The following SIRPB1 variants were observed in gnomAD, a reference collection of about 807,000 sequenced individuals.
SIRPB1 encodes signal-regulatory protein beta-1.
Under a neutral mutation model 34.1 loss-of-function variants are expected in SIRPB1, and 28 were observed. The observed-to-expected ratio is 0.82, with a 90% CI of 0.61 to 1.12. SIRPB1 has a LOEUF of 1.12. Among genes scored for constraint, SIRPB1 ranks in the 50% most tolerant of loss-of-function variants. SIRPB1 has a pLI of 0.00. For synonymous variants in SIRPB1, 211 were observed against 203.8 expected, an observed-to-expected ratio of 1.04 and a Z score of -0.30; for missense variants, 499 against 507.0, an observed-to-expected ratio of 0.98 and a Z score of 0.15.
chr20:1,617,246 C>A (rs1221942631), intron 1 of SIRPB1, among the ~76,000 whole-genome samples: 1 of 152,126 alleles, frequency 6.6e-6, no homozygotes, highest in Admixed American at 6.5e-5. Context: ...GCTCCCATGT[C>A]CATTGCAGCA....
intron 1 of SIRPB1, among the ~76,000 whole-genome samples, chr20:1,614,752 C>T (rs556726115): frequency 4.6e-5 from 7 of 152,132 alleles, no homozygotes; most frequent in South Asian, 2.1e-4. Flanking sequence ...ATAGTAATGG[C>T]AATGAGGATG....
chr20:1,576,760 C>T (rs1254764411), intron 2 of SIRPB1, among the ~76,000 whole-genome samples: 1 of 148,378 alleles, frequency 6.7e-6, no homozygotes, highest in African/African-American at 2.4e-5. Context: ...CAAAATTAGC[C>T]AGGCATGGTA....
chr20:1,564,761 T>A lies in SIRPB1; in HGVS notation c.*739A>T, dbSNP rs2091106139. The A allele has an allele frequency of 2.5e-6, 1 of 396,870 alleles. No homozygotes were observed. Among genetic ancestry groups the A allele is most frequent in the East Asian group, 3.6e-5 (1 of 28,064 alleles). The allele number at this position is 396,870 out of a possible 1,614,324, so 24.6% of individuals were successfully genotyped here. On this transcript the variant is annotated 3_prime_UTR_variant, in exon 6 of 6. Coordinates refer to ENST00000381605, the MANE Select transcript of SIRPB1 (RefSeq NM_006065.5). ...TTACACTAGAGAAATTGGCAAGCAC[T>A]GCAAAACAGCTTTTGGTTTTTCCCT...
Position 1,578,527 on chromosome 20 carries a change from T to C in SIRPB1, c.244A>G (p.Lys82Glu), listed in dbSNP as rs770087762. Reference protein sequence around the residue: ...GAGRELIYNQKEGHFPRVTTV... With the variant: ...GAGRELIYNQEEGHFPRVTTV... ...GTTACCCGTGGGAAGTGGCCTTCTTTCTGATTGTAGATTAATTCCCGGCCT... is the reference window on the plus strand; with the variant it reads ...GTTACCCGTGGGAAGTGGCCTTCTTCCTGATTGTAGATTAATTCCCGGCCT... Residue 82 changes from lysine to glutamate, a missense_variant, in exon 2 of 6, where the codon AAA (lysine) becomes GAA (glutamate). Coordinates refer to ENST00000381605, the MANE Select transcript of SIRPB1 (RefSeq NM_006065.5). 3.8e-6 allele frequency: 6 copies of C among 1,583,850 alleles called. No homozygotes were observed. In the East Asian group the frequency reaches 1.3e-4, roughly 35 times the overall value.
intron 4 of SIRPB1, among the ~76,000 whole-genome samples, chr20:1,566,680 C>T (rs1420342349): frequency 6.6e-6 from 1 of 152,066 alleles, no homozygotes; most frequent in Admixed American, 6.5e-5. Context: ...TCATTATGTC[C>T]CCAAGGGTGA....
At chr20:1,577,470 G>A (rs1568689429) in intron 2 of SIRPB1, among the ~76,000 whole-genome samples, 1 of 147,534 alleles carries the variant, frequency 6.8e-6, no homozygotes, top group Admixed American at 6.7e-5. Context: ...GTTAAGACGA[G>A]GCTTTTGGGG....
chr20:1,616,205 T>G (rs1004981547), intron 1 of SIRPB1, among the ~76,000 whole-genome samples: 3 of 152,206 alleles, frequency 2.0e-5, no homozygotes, highest in African/African-American at 7.2e-5. Flanking sequence ...TCCTCAGAAA[T>G]GGACAAAACA....
chr20:1,567,846 T>C (rs1481217233), intron 4 of SIRPB1, among the ~76,000 whole-genome samples: 2 of 152,230 alleles, frequency 1.3e-5, no homozygotes. Flanking sequence ...TGATTCATCA[T>C]GAGTTAAAGT....
intron 4 of SIRPB1, among the ~76,000 whole-genome samples, chr20:1,566,965 C>T (rs931860150): frequency 1.3e-5 from 2 of 152,188 alleles, no homozygotes; most frequent in Non-Finnish European, 2.9e-5. Context: ...ACCTCAACCC[C>T]AGTGCAGATG....
chr20:1,610,091 C>T lies in SIRPB1; in HGVS notation c.76+9778G>A, dbSNP rs199573635. ...ACTGGAGCAGCTCTCTATGTCCTGA[C>T]GTGGAATCTCGATATGGAATGACAG... On this transcript the variant is annotated intron_variant, in intron 1 of 5. Transcript: ENST00000381605. 4.1e-5 allele frequency among the ~76,000 whole-genome samples: 3 copies of T among 72,600 alleles called. 1 individual carries two copies. Among genetic ancestry groups the T allele is most frequent in the Admixed American group, 3.3e-4 (3 of 8,970 alleles). The allele number at this position is 72,600 out of a possible 152,430, so 47.6% of individuals were successfully genotyped here. A position where few individuals can be genotyped will look rare whatever the true frequency, so the allele number is the denominator to read the frequency against.
Position 1,566,239 on chromosome 20 carries a change from G to A in SIRPB1, c.1113C>T (p.Leu371=). The change falls in exon 5 of 6, where the codon CTC becomes CTT. Residue 371 remains leucine, a synonymous_variant. Transcript: ENST00000381605. The stretch of plus-strand genomic sequence containing the variant: ...TGGGGCCCAGGAGGAGAGCTACGAG[G>A]AGTGGAGCAGTAGGAGCCAGCGCTG... The part of the protein sequence containing the change: ...HEAALAPTAP[L]LVALLLGPKL... The A allele has an allele frequency of 6.2e-7, 1 of 1,610,242 alleles. No homozygotes were observed. Among genetic ancestry groups the A allele is most frequent in the Non-Finnish European group, 8.5e-7 (1 of 1,178,460 alleles).
rs1282309794 is a variant in SIRPB1, at chr20:1,600,670, G to T, written c.76+19199C>A. Among the ~76,000 whole-genome samples, 17 of 49,416 alleles carry T rather than the reference G, an allele frequency of 3.4e-4. 7 individuals carry two copies. Among genetic ancestry groups the T allele is most frequent in the Non-Finnish European group, 6.7e-4 (17 of 25,474 alleles). 32.4% of individuals were successfully genotyped at this position (49,416 alleles called of 152,430 possible). A position where few individuals can be genotyped will look rare whatever the true frequency, so the allele number is the denominator to read the frequency against. On this transcript the variant is annotated intron_variant, in intron 1 of 5. Coordinates refer to ENST00000381605, the MANE Select transcript of SIRPB1 (RefSeq NM_006065.5). ...TCCTGCCTGCACTGTGGCTCAGCAC[G>T]TCCCTCTCCTACACTTCTGCCTCAC...
intron 4 of SIRPB1, among the ~76,000 whole-genome samples, chr20:1,567,485 T>G (rs2091156995): frequency 6.6e-6 from 1 of 152,228 alleles, no homozygotes; most frequent in African/African-American, 2.4e-5. Context: ...CACTCTAGGA[T>G]GCCTCCTGCA....
At chr20:1,609,324 G>A (rs78091426) in intron 1 of SIRPB1, among the ~76,000 whole-genome samples, 1 of 72,274 alleles carries the variant, frequency 1.4e-5, no homozygotes, top group East Asian at 5.8e-4. Context: ...GTCATTACTG[G>A]GCAATGTACA....
intron 1 of SIRPB1, among the ~76,000 whole-genome samples, chr20:1,615,359 C>G (rs189218607): frequency 1.9e-3 from 290 of 152,252 alleles, no homozygotes; most frequent in African/African-American, 6.8e-3. Context: ...ATCTATTGGG[C>G]TCTCCTGGCT....
intron 1 of SIRPB1, among the ~76,000 whole-genome samples, chr20:1,595,501 C>T (rs141673124): frequency 0.032 from 1,543 of 48,762 alleles, 728 homozygotes; most frequent in African/African-American, 0.2. Context: ...GGCCATGAGA[C>T]TGGGGCCATC....
chr20:1,579,698 C>T (rs1421856345), intron 1 of SIRPB1, among the ~76,000 whole-genome samples: 1 of 148,332 alleles, frequency 6.7e-6, no homozygotes, highest in African/African-American at 2.4e-5. Flanking sequence ...TGACAAATTA[C>T]CAAAACTTAG....
intron 4 of SIRPB1, 90 bp downstream of exon 4, chr20:1,570,715 A>G: frequency 3.7e-6 from 4 of 1,074,224 alleles, no homozygotes; most frequent in Non-Finnish European, 5.4e-6. Context: ...CTTTATATTT[A>G]TAGACTTCTA....
chr20:1,566,187 C>T lies in SIRPB1; in HGVS notation c.1165G>A (p.Ala389Thr). ...PKLLLVVGVSAIYICWKQKA is the reference protein window; with the variant it reads ...PKLLLVVGVSTIYICWKQKA ...TTCTGTTTCCAGCAGATGTAGATGG[C>T]AGAGACACCAACCACCAGTAGCAGC... Residue 389 changes from alanine (A) to threonine (T), a missense_variant, in exon 5 of 6, where the codon GCC becomes ACC. Physicochemically the swap from Ala to Thr is moderately conservative, Grantham distance 58 (BLOSUM62 0). Coordinates refer to ENST00000381605, the MANE Select transcript of SIRPB1 (RefSeq NM_006065.5). The T allele has an allele frequency of 6.2e-7, 1 of 1,611,704 alleles. No homozygotes were observed. The highest frequency in any genetic ancestry group is 8.5e-7 in the Non-Finnish European group (1 of 1,178,930).
Sources: allele counts gnomAD v4.1 joint callset (sites outside exome capture counted in the v4.1 genomes callset), GRCh38; gene constraint gnomAD v4.1.1; transcripts MANE v1.5; gene names NCBI Gene and HGNC (gene_info 2026-07-23, HGNC 2026-07-21).